Variants in SCAPER observed in about 807,000 individuals in gnomAD.
SCAPER encodes S phase cyclin A-associated protein in the endoplasmic reticulum.
In SCAPER, 98 loss-of-function variants were observed where a neutral mutation model predicts 182.2. That is an observed-to-expected ratio of 0.54 (90% CI 0.46 to 0.64). The LOEUF (loss-of-function observed/expected upper bound fraction) is 0.64. Among genes scored for constraint, SCAPER ranks in the 30% least tolerant of loss-of-function variants. The pLI is 0.00. For missense variants in SCAPER, 1,432 were observed against 1,690.0 expected (o/e 0.85, Z 2.68); for synonymous variants, 605 against 564.6 (o/e 1.07, Z -1.01).
chr15:76,829,090 AT>A (rs1411322661), intron 5 of SCAPER, among the ~76,000 whole-genome samples: 1 of 152,224 alleles, frequency 6.6e-6, no homozygotes, highest in African/African-American at 2.4e-5. Flanking sequence ...GACAAAAAAA[AT>A]GTATATATAC....
chr15:76,820,600 G>T (rs2067461826), intron 5 of SCAPER, among the ~76,000 whole-genome samples: 1 of 118,624 alleles, frequency 8.4e-6, no homozygotes, highest in Admixed American at 9.8e-5. Flanking sequence ...GGGTTGGGGG[G>T]AGGGGGGAGG....
chr15:76,496,463 T>C (rs931495848), intron 24 of SCAPER, among the ~76,000 whole-genome samples: 4 of 152,186 alleles, frequency 2.6e-5, no homozygotes, highest in African/African-American at 9.7e-5. Flanking sequence ...TATTTGTTCT[T>C]ACAGAACTTG....
rs1468738020 is a variant in SCAPER, at chr15:76,502,791, CT to C, written c.2954+2067del. ...AAGGAACAAGCTCTTAATCCTGACCCTGTGGGTCAGCTAGTGCTGACCAGCT... is the reference window on the plus strand; with the variant it reads ...AAGGAACAAGCTCTTAATCCTGACCCGTGGGTCAGCTAGTGCTGACCAGCT... On this transcript the variant is annotated intron_variant, in intron 24 of 31. Coordinates refer to ENST00000563290, the MANE Select transcript of SCAPER (RefSeq NM_020843.4). Among the ~76,000 whole-genome samples, 15 of 152,274 alleles carry C rather than the reference CT, an allele frequency of 9.9e-5. No individual in the cohort carries two copies. The South Asian group carries it at 3.1e-3, about 32-fold the overall frequency.
intron 5 of SCAPER, among the ~76,000 whole-genome samples, chr15:76,827,445 C>G (rs1406609328): frequency 6.6e-6 from 1 of 152,084 alleles, no homozygotes; most frequent in Admixed American, 6.5e-5. Flanking sequence ...TAAGACCATA[C>G]AGTAGGAGGT....
At chr15:76,613,966 A>G (rs1223352141) in intron 22 of SCAPER, among the ~76,000 whole-genome samples, 1 of 152,236 alleles carries the variant, frequency 6.6e-6, no homozygotes, top group Non-Finnish European at 1.5e-5. Context: ...TCACAGCACT[A>G]TTCACAGTAA....
intron 23 of SCAPER, among the ~76,000 whole-genome samples, chr15:76,542,476 TCACGTCACTGAACTCCAGCC>T (rs945269149): frequency 6.6e-6 from 1 of 151,550 alleles, no homozygotes; most frequent in African/African-American, 2.4e-5. Flanking sequence ...TGAGCTGAGA[TCACGTCACTGAACTCCAGCC>T]TGGGCGACAA....
At chr15:76,425,929 A>G (rs1291579335) in intron 26 of SCAPER, among the ~76,000 whole-genome samples, 1 of 152,222 alleles carries the variant, frequency 6.6e-6, no homozygotes, top group East Asian at 1.9e-4. Context: ...AGAACAGCGA[A>G]TATTGCTGAA....
At chr15:76,817,136 TTCTGG>T (rs2067152992) in intron 5 of SCAPER, among the ~76,000 whole-genome samples, 1 of 152,258 alleles carries the variant, frequency 6.6e-6, no homozygotes, top group Non-Finnish European at 1.5e-5. Flanking sequence ...ACAAGAATCT[TTCTGG>T]TCCATTATAA....
intron 15 of SCAPER, among the ~76,000 whole-genome samples, chr15:76,751,448 G>A (rs1046413400): frequency 6.6e-6 from 1 of 151,614 alleles, no homozygotes; most frequent in African/African-American, 2.4e-5. Flanking sequence ...CAACAAAATT[G>A]GATGACTCCC....
At chr15:76,455,435 A>C (rs1351570604) in intron 25 of SCAPER, among the ~76,000 whole-genome samples, 1 of 152,140 alleles carries the variant, frequency 6.6e-6, no homozygotes, top group Non-Finnish European at 1.5e-5. Context: ...TAATTGTATA[A>C]TACTTCTATT....
At chr15:76,620,081 A>T (rs1020715840) in intron 22 of SCAPER, among the ~76,000 whole-genome samples, 3 of 151,766 alleles carry the variant, frequency 2.0e-5, no homozygotes, top group Non-Finnish European at 1.5e-5. Flanking sequence ...GTCTTCAAAA[A>T]ATATATATAT....
intron 2 of SCAPER, among the ~76,000 whole-genome samples, chr15:76,878,799 G>C (rs1340792761): frequency 6.6e-6 from 1 of 151,898 alleles, no homozygotes; most frequent in Non-Finnish European, 1.5e-5. Flanking sequence ...AGAGGAAGAA[G>C]AAGACAGAGA....
chr15:76,507,964 T>C (rs975430590), intron 23 of SCAPER, among the ~76,000 whole-genome samples: 7 of 152,192 alleles, frequency 4.6e-5, no homozygotes, highest in Admixed American at 1.3e-4. Flanking sequence ...AGTGCACTAA[T>C]CGTAATTGTA....
chr15:76,671,954 A>G (rs2057049201), intron 20 of SCAPER, among the ~76,000 whole-genome samples: 1 of 152,150 alleles, frequency 6.6e-6, no homozygotes, highest in Non-Finnish European at 1.5e-5. Context: ...TTTGAAAGTG[A>G]GAGGGGCTCT....
intron 23 of SCAPER, among the ~76,000 whole-genome samples, chr15:76,541,343 T>A (rs1441012150): frequency 1.3e-5 from 2 of 152,216 alleles, no homozygotes; most frequent in African/African-American, 4.8e-5. Context: ...CAATTCAGCA[T>A]CTATCCTAGG....
chr15:76,349,441 G>A (rs2040391533), intron 31 of SCAPER: 1 of 122,272 alleles, frequency 8.2e-6, no homozygotes, highest in South Asian at 2.4e-4. Flanking sequence ...AGTGACATAG[G>A]TAAAGTAAAC....
chr15:76,384,443 T>A (rs2938698), intron 27 of SCAPER, among the ~76,000 whole-genome samples: 1 of 152,218 alleles, frequency 6.6e-6, no homozygotes, highest in East Asian at 1.9e-4. Flanking sequence ...CCGAAGAATA[T>A]GTGTAAAAAA....
intron 26 of SCAPER, among the ~76,000 whole-genome samples, chr15:76,410,921 C>T (rs1254240787): frequency 5.3e-5 from 8 of 152,144 alleles, no homozygotes; most frequent in African/African-American, 1.9e-4. Context: ...TGTCCTTTCT[C>T]TCTGCTGTCA....
chr15:76,544,829 C>T (rs535242381), intron 23 of SCAPER, among the ~76,000 whole-genome samples: 2 of 152,260 alleles, frequency 1.3e-5, no homozygotes, highest in South Asian at 4.1e-4. Context: ...AATTAAATCT[C>T]TTTAAGGTTG....
Sources: allele counts gnomAD v4.1 joint callset (sites outside exome capture counted in the v4.1 genomes callset), GRCh38; gene constraint gnomAD v4.1.1; transcripts MANE v1.5; gene names NCBI Gene and HGNC (gene_info 2026-07-23, HGNC 2026-07-21).